The following ZNF248 variants were observed in gnomAD, a reference collection of about 807,000 sequenced individuals.
ZNF248 encodes the protein zinc finger protein 248.
In ZNF248, 20 loss-of-function variants were observed where a neutral mutation model predicts 44.3. The ratio of observed to expected loss-of-function variants is 0.45; its 90% CI spans 0.32 to 0.66. The LOEUF (loss-of-function observed/expected upper bound fraction) is 0.66. ZNF248 is among the 30% of genes least tolerant of loss of function. The pLI is 0.04. For synonymous variants in ZNF248, 224 were observed against 229.0 expected (o/e 0.98, Z 0.20); for missense variants, 654 against 677.0 (o/e 0.97, Z 0.38).
intron 6 of ZNF248, among the ~76,000 whole-genome samples, chr10:37,785,480 C>T (rs2047779169): frequency 6.6e-6 from 1 of 152,196 alleles, no homozygotes; most frequent in Non-Finnish European, 1.5e-5. Context: ...GAACAGGTCT[C>T]AGCAACTTAG....
chr10:37,819,248 C>T (rs200910), intron 6 of ZNF248: 388,278 of 850,566 alleles, frequency 0.46, 91,401 homozygotes, highest in Admixed American at 0.53. Context: ...TAATTTGTGC[C>T]GTTTCAGATA....
rs372583626 is a variant in ZNF248, at chr10:37,809,356, C to T, written c.330+23669G>A. Among the ~76,000 whole-genome samples the T allele has an allele frequency of 4.6e-5, 7 of 152,288 alleles. No homozygotes were observed. The East Asian group carries it at 9.7e-4, about 21-fold the overall frequency. On this transcript the variant is annotated intron_variant, in intron 6 of 6. Coordinates refer to the ZNF248 transcript ENST00000615949. Reference sequence around the variant, plus strand: ...GCAGTGGCATGATCTTGGCTCACTACAGCCTCCACCTCCCAGGTTCAAGTG... The same window carrying T: ...GCAGTGGCATGATCTTGGCTCACTATAGCCTCCACCTCCCAGGTTCAAGTG...
the ZNF248 span, among the ~76,000 whole-genome samples, chr10:37,762,946 T>C: frequency 2.0e-5 from 3 of 152,176 alleles, no homozygotes; most frequent in Admixed American, 2.0e-4. Context: ...AATTATTTTT[T>C]TAAAAAAATG....
At chr10:37,787,216 T>G (rs1589064079) in intron 6 of ZNF248, among the ~76,000 whole-genome samples, 1 of 151,928 alleles carries the variant, frequency 6.6e-6, no homozygotes, top group African/African-American at 2.4e-5. Flanking sequence ...GAGGCAGAGG[T>G]TGCAGTGAGC....
At position 37,832,464 on chromosome 10, in the gene ZNF248, A is replaced by C. The variant is rs754373123; in HGVS notation, c.891T>G (p.Tyr297Ter). Residue 297 changes from tyrosine (Y) to a stop codon, truncating the protein, a stop_gained, in exon 6 of 6, where the codon TAT (tyrosine) becomes TAG (stop). Coordinates refer to ENST00000395867, the MANE Select transcript of ZNF248 (RefSeq NM_021045.3). LOFTEE classifies it high-confidence loss of function. The stretch of plus-strand genomic sequence containing the variant: ...AGATTTCCCCATATTCATTATATTC[A>C]TAAGGATTGTCCTTTGTAAGAGCTC... Reference protein sequence around the residue: ...HQRALTKDNPYEYNEYGEIFC... With the variant: ...HQRALTKDNP 3 of 1,614,002 alleles carry C rather than the reference A, an allele frequency of 1.9e-6. No homozygotes were observed. Among genetic ancestry groups the C allele is most frequent in the Non-Finnish European group, 2.5e-6 (3 of 1,179,944 alleles).
intron 6 of ZNF248, among the ~76,000 whole-genome samples, chr10:37,811,211 T>G (rs774736057): frequency 3.9e-5 from 6 of 152,178 alleles, no homozygotes; most frequent in Non-Finnish European, 8.8e-5. Context: ...TTCAAGATAA[T>G]TGAATCCAGT....
rs72639535 is a variant in ZNF248 at position 37,822,306 on chromosome 10, T to A, written c.330+10719A>T. Among the ~76,000 whole-genome samples, 624 of 152,224 alleles carry A rather than the reference T, an allele frequency of 4.1e-3. 20 individuals carry two copies. The highest frequency in any genetic ancestry group is 0.029 in the Admixed American group (446 of 15,286). On this transcript the variant is annotated intron_variant, in intron 6 of 6. Transcript: ENST00000615949. ...ACTTGTGAACACAGAAAAAAACATT[T>A]AAATAAAGCTGAAAACGAGAACAAC... is the stretch of plus-strand genomic sequence containing the variant.
intron 6 of ZNF248, among the ~76,000 whole-genome samples, chr10:37,782,850 GGCTTACACTCTA>G (rs2047469288): frequency 3.3e-5 from 5 of 152,078 alleles, no homozygotes; most frequent in Non-Finnish European, 2.9e-5. Context: ...ACATTCTGGA[GGCTTACACTCTA>G]GCCTCCAGAA....
At position 37,828,863 on chromosome 10, in the gene ZNF248, A is replaced by C; in HGVS notation, c.*2752T>G. The stretch of plus-strand genomic sequence containing the variant: ...CAGGGAGGTATGAATAATGTAATTT[A>C]ATATAATGTCTGCTTCACACATGTT... On this transcript the variant is annotated 3_prime_UTR_variant, in exon 6 of 6. Coordinates refer to ENST00000395867, the MANE Select transcript of ZNF248 (RefSeq NM_021045.3). The C allele has an allele frequency of 1.0e-6, 1 of 985,448 alleles. No individual in the cohort carries two copies. Among genetic ancestry groups the C allele is most frequent in the Non-Finnish European group, 1.2e-6 (1 of 829,934 alleles). The allele number at this position is 985,448 out of a possible 1,614,324, so 61.0% of individuals were successfully genotyped here.
downstream of ZNF248, among the ~76,000 whole-genome samples, chr10:37,825,216 C>G (rs1276909225): frequency 6.6e-6 from 1 of 151,940 alleles, no homozygotes; most frequent in Non-Finnish European, 1.5e-5. Context: ...CCATGACTAG[C>G]TATTATAAAA....
At chr10:37,792,817 T>A (rs1401301770) in intron 6 of ZNF248, among the ~76,000 whole-genome samples, 1 of 152,150 alleles carries the variant, frequency 6.6e-6, no homozygotes, top group Non-Finnish European at 1.5e-5. Flanking sequence ...AAAACTGATA[T>A]AACAACTAAA....
intron 6 of ZNF248, among the ~76,000 whole-genome samples, chr10:37,823,125 A>G (rs752377088): frequency 1.3e-5 from 2 of 151,946 alleles, no homozygotes; most frequent in Non-Finnish European, 2.9e-5. Context: ...CACGAGGTCA[A>G]GGGATCAAGA....
At chr10:37,787,993 G>T (rs2048077207) in intron 6 of ZNF248, among the ~76,000 whole-genome samples, 1 of 152,102 alleles carries the variant, frequency 6.6e-6, no homozygotes, top group Non-Finnish European at 1.5e-5. Context: ...ACTTGGCCAG[G>T]CATGGTGGCT....
Position 37,857,515 on chromosome 10 carries a change from C to G in ZNF248, c.-456G>C, listed in dbSNP as rs1180903353. ...CCCAGGCGGCAAGTATTCCTAATAT[C>G]CGTAATTTACAGAGAGGAAAACCGA... On this transcript the variant is annotated 5_prime_UTR_variant, in exon 1 of 6. Coordinates refer to ENST00000395867, the MANE Select transcript of ZNF248 (RefSeq NM_021045.3). The G allele has an allele frequency of 1.3e-5, 2 of 152,258 alleles. No individual in the cohort carries two copies. The highest frequency in any genetic ancestry group is 2.9e-5 in the Non-Finnish European group (2 of 68,074). 9.4% of individuals were successfully genotyped at this position (152,258 alleles called of 1,614,324 possible).
At chr10:37,833,390 A>C (rs2056384980) in intron 5 of ZNF248, among the ~76,000 whole-genome samples, 1 of 152,218 alleles carries the variant, frequency 6.6e-6, no homozygotes, top group Non-Finnish European at 1.5e-5. Flanking sequence ...AGGTGAAATA[A>C]AATTCACAGC....
intron 3 of ZNF248, among the ~76,000 whole-genome samples, chr10:37,843,517 G>A (rs2058738343): frequency 6.6e-6 from 1 of 151,764 alleles, no homozygotes; most frequent in South Asian, 2.1e-4. Flanking sequence ...ATATTCAAAT[G>A]TCCAATTTCC....
At chr10:37,810,949 G>C (rs1399044700) in intron 6 of ZNF248, among the ~76,000 whole-genome samples, 1 of 152,166 alleles carries the variant, frequency 6.6e-6, no homozygotes, top group Non-Finnish European at 1.5e-5. Context: ...AATCATCTTT[G>C]TGTGAGCAGT....
intron 3 of ZNF248, among the ~76,000 whole-genome samples, chr10:37,843,098 T>G (rs2058647453): frequency 1.3e-5 from 2 of 152,068 alleles, no homozygotes; most frequent in South Asian, 4.1e-4. Flanking sequence ...GAAAGCAAGC[T>G]AAGGAACAGA....
intron 6 of ZNF248, among the ~76,000 whole-genome samples, chr10:37,780,310 A>C (rs1291410003): frequency 1.3e-5 from 2 of 152,222 alleles, no homozygotes; most frequent in Admixed American, 1.3e-4. Flanking sequence ...ACTGGTACTA[A>C]AACAGAGATA....
Sources: allele counts gnomAD v4.1 joint callset (sites outside exome capture counted in the v4.1 genomes callset), GRCh38; gene constraint gnomAD v4.1.1; transcripts MANE v1.5; gene names NCBI Gene and HGNC (gene_info 2026-07-23, HGNC 2026-07-21).